The following ADA variants were observed in gnomAD, a reference collection of about 807,000 sequenced individuals.
The protein encoded by ADA is adenosine deaminase, also known as adenosine aminohydrolase.
ADA carries 45 observed loss-of-function variants against 49.0 expected under a neutral mutation model. That is an observed-to-expected ratio of 0.92 (90% confidence interval 0.72 to 1.18). The LOEUF (loss-of-function observed/expected upper bound fraction) is 1.18. ADA is among the 50% of genes most tolerant of loss of function. The probability of loss-of-function intolerance (pLI) is 0.00; values close to 1 mark genes in which losing one functional copy is unlikely to be tolerated. For synonymous variants in ADA, 173 were observed against 184.2 expected, an observed-to-expected ratio of 0.94 and a Z score of 0.49; for missense variants, 445 against 472.5, an observed-to-expected ratio of 0.94 and a Z score of 0.54.
intron 1 of ADA, among the ~76,000 whole-genome samples, chr20:44,648,284 G>A (rs982875087): frequency 2.0e-5 from 3 of 152,070 alleles, no homozygotes; most frequent in African/African-American, 7.3e-5. Flanking sequence ...AGGCACACCC[G>A]ACAGGGCAAA....
chr20:44,629,996 TCCC>T (rs60289623), intron 2 of ADA, among the ~76,000 whole-genome samples: 242 of 144,156 alleles, frequency 1.7e-3, no homozygotes, highest in Non-Finnish European at 1.9e-3. Context: ...AGCCTCAGTT[TCCC>T]CCCCCTTTTT....
At chr20:44,645,603 CAG>C (rs374142005) in intron 1 of ADA, among the ~76,000 whole-genome samples, 17 of 152,290 alleles carry the variant, frequency 1.1e-4, no homozygotes, top group African/African-American at 3.6e-4. Context: ...GCCTGGGCGA[CAG>C]AGTGAGACTC....
chr20:44,621,547 T>C (rs748083129), intron 9 of ADA, among the ~76,000 whole-genome samples: 1 of 152,146 alleles, frequency 6.6e-6, no homozygotes. Context: ...TACTCCAACA[T>C]ACCATGGAAG....
At position 44,621,045 on chromosome 20, in the gene ADA, GCCC is replaced by G; in HGVS notation, c.945_947del (p.Met315_Gly316delinsIle). On this transcript the variant is annotated inframe_deletion, in exon 10 of 12. Transcript: ENST00000372874. The stretch of plus-strand genomic sequence containing the variant: ...GCCTTTTAAACTCCTCTTCAGTAAA[GCCC>G]ATGTCCCGTTTGGTCATCTGGTAAT... 4 of 1,614,146 alleles carry G rather than the reference GCCC, an allele frequency of 2.5e-6. No homozygotes were observed. Among genetic ancestry groups the G allele is most frequent in the Non-Finnish European group, 3.4e-6 (4 of 1,180,026 alleles).
In ADA at chr20:44,621,032, CCTCTT is replaced by C. The variant is rs771266745; in HGVS notation, c.956_960del (p.Glu319GlyfsTer3). The stretch of plus-strand genomic sequence containing the variant: ...CACCCACTCACCAGCCTTTTAAACT[CCTCTT>C]CAGTAAAGCCCATGTCCCGTTTGGT... On this transcript the variant is annotated frameshift_variant, in exon 10 of 12. Coordinates refer to ENST00000372874, the MANE Select transcript of ADA (RefSeq NM_000022.4). LOFTEE classifies it high-confidence loss of function. The C allele has an allele frequency of 1.8e-4, 295 of 1,614,088 alleles. No individual in the cohort carries two copies. The highest frequency in any genetic ancestry group is 2.3e-4 in the Non-Finnish European group (277 of 1,180,016).
intron 1 of ADA, among the ~76,000 whole-genome samples, chr20:44,643,452 C>G (rs1722870520): frequency 6.6e-6 from 1 of 152,230 alleles, no homozygotes; most frequent in Admixed American, 6.5e-5. Flanking sequence ...CAGCTACCTA[C>G]TGTTTTCAGA....
chr20:44,649,804 C>T (rs1478392073), intron 1 of ADA, among the ~76,000 whole-genome samples: 3 of 142,816 alleles, frequency 2.1e-5, no homozygotes, highest in South Asian at 2.3e-4. Context: ...GGCGAGATCT[C>T]GGCTCACTGC....
At chr20:44,632,396 T>C (rs2065441592) in intron 2 of ADA, among the ~76,000 whole-genome samples, 1 of 152,006 alleles carries the variant, frequency 6.6e-6, no homozygotes, top group Non-Finnish European at 1.5e-5. Flanking sequence ...TAGCATGAAA[T>C]AATTTACCTT....
intron 3 of ADA, among the ~76,000 whole-genome samples, chr20:44,628,799 T>C (rs2065406166): frequency 6.6e-6 from 1 of 152,066 alleles, no homozygotes; most frequent in African/African-American, 2.4e-5. Flanking sequence ...TGACCCTGTG[T>C]TCTTAGCTCC....
intron 1 of ADA, among the ~76,000 whole-genome samples, chr20:44,647,777 C>T (rs1324192010): frequency 6.6e-6 from 1 of 151,906 alleles, no homozygotes; most frequent in Non-Finnish European, 1.5e-5. Flanking sequence ...ATTAGCCGGG[C>T]GTGGTGGTGG....
intron 5 of ADA, 60 bp downstream of exon 5, chr20:44,625,509 C>A: frequency 2.0e-6 from 3 of 1,467,576 alleles, no homozygotes; most frequent in Non-Finnish European, 2.8e-6. Context: ...CACTGCTAGG[C>A]CAGGAGGTCA....
At position 44,619,626 on chromosome 20, in the gene ADA, T is replaced by C. The variant is rs1357603680; in HGVS notation, c.*208A>G. ...CAACCATGCCCATGTGCAAGGGCGC[T>C]GGTCCCTGGCCAGGGCACATAATCA... On this transcript the variant is annotated 3_prime_UTR_variant, in exon 12 of 12. Transcript: ENST00000372874. The C allele has an allele frequency of 9.6e-6, 6 of 623,160 alleles. No individual in the cohort carries two copies. Among genetic ancestry groups the C allele is most frequent in the African/African-American group, 9.2e-5 (5 of 54,376 alleles). 38.6% of individuals were successfully genotyped at this position (623,160 alleles called of 1,614,324 possible). A position where few individuals can be genotyped will look rare whatever the true frequency, so the allele number is the denominator to read the frequency against.
intron 1 of ADA, among the ~76,000 whole-genome samples, chr20:44,636,840 C>G (rs2065485298): frequency 6.6e-6 from 1 of 152,172 alleles, no homozygotes; most frequent in African/African-American, 2.4e-5. Flanking sequence ...GAGTCTCGCT[C>G]TGTCTCCCAG....
At chr20:44,622,977 A>C (rs759196142) in intron 7 of ADA, 30 bp downstream of exon 7, 12 of 1,614,198 alleles carry the variant, frequency 7.4e-6, no homozygotes, top group South Asian at 2.2e-5. Flanking sequence ...GGCAGTGAGG[A>C]GGGACCCCAT....
At position 44,629,304 on chromosome 20, in the gene ADA, C is replaced by T. The variant is rs1829911526; in HGVS notation, c.96-135G>A. 4 of 1,321,742 alleles carry T rather than the reference C, an allele frequency of 3.0e-6. No homozygotes were observed. In the African/African-American group the frequency reaches 4.4e-5, roughly 14 times the overall value. 81.9% of individuals were successfully genotyped at this position (1,321,742 alleles called of 1,614,324 possible). A position where few individuals can be genotyped will look rare whatever the true frequency, so the allele number is the denominator to read the frequency against. ...CAGGAGACATGGGCGTCTCTCAGTC[C>T]AGCTGCTCCCACTGGACAGATGGGG... On this transcript the variant is annotated intron_variant, in intron 2 of 11. Coordinates refer to ENST00000372874, the MANE Select transcript of ADA (RefSeq NM_000022.4).
intron 1 of ADA, among the ~76,000 whole-genome samples, chr20:44,638,628 G>C (rs1432089093): frequency 6.6e-6 from 1 of 152,168 alleles, no homozygotes; most frequent in Non-Finnish European, 1.5e-5. Context: ...CTGCGCTCCT[G>C]CTGGATGCTA....
intron 1 of ADA, among the ~76,000 whole-genome samples, chr20:44,636,687 C>T (rs1227592887): frequency 6.6e-6 from 1 of 152,218 alleles, no homozygotes; most frequent in Non-Finnish European, 1.5e-5. Flanking sequence ...TGCTCCAGGT[C>T]ACGTAGGCAG....
In ADA at chr20:44,637,775, T is replaced by C. The variant is rs958035177; in HGVS notation, c.34-1487A>G. Among the ~76,000 whole-genome samples the C allele has an allele frequency of 2.6e-5, 4 of 152,164 alleles. No individual in the cohort carries two copies. In the East Asian group the frequency reaches 7.7e-4, roughly 29 times the overall value. On this transcript the variant is annotated intron_variant, in intron 1 of 11. Coordinates refer to ENST00000372874, the MANE Select transcript of ADA (RefSeq NM_000022.4). Reference sequence around the variant, plus strand: ...CAGGACCTCAGAGTCATCAGATCTCTCCTGAGGTCATCCAGCTGGCAGGGG... The same window carrying C: ...CAGGACCTCAGAGTCATCAGATCTCCCCTGAGGTCATCCAGCTGGCAGGGG...
intron 2 of ADA, chr20:44,635,980 C>A: frequency 1.8e-6 from 1 of 554,094 alleles, no homozygotes; most frequent in Non-Finnish European, 3.2e-6. Flanking sequence ...CAGGCTCAGG[C>A]CTGGCTCACC....
Sources: allele counts gnomAD v4.1 joint callset (sites outside exome capture counted in the v4.1 genomes callset), GRCh38; gene constraint gnomAD v4.1.1; transcripts MANE v1.5; gene names NCBI Gene and HGNC (gene_info 2026-07-23, HGNC 2026-07-21).